Variants in ELAVL2 observed in about 807,000 individuals in gnomAD.
The protein encoded by ELAVL2 is ELAV-like protein 2.
In ELAVL2, 4 loss-of-function variants were observed where a neutral mutation model predicts 34.6. That is an observed-to-expected ratio of 0.12 (90% CI 0.06 to 0.26). The LOEUF is 0.26. Ranked by LOEUF, ELAVL2 falls within the 10% of genes least tolerant of loss-of-function variation. The pLI, the probability that ELAVL2 is intolerant of heterozygous loss-of-function variation, is 1.00. For missense variants in ELAVL2, 432 were observed against 442.8 expected (o/e 0.98, Z 0.22); for synonymous variants, 193 against 154.8 (o/e 1.25, Z -1.83).
chr9:23,704,217 C>T (rs1291761082), intron 4 of ELAVL2, among the ~76,000 whole-genome samples: 2 of 151,334 alleles, frequency 1.3e-5, no homozygotes, highest in East Asian at 2.0e-4. Context: ...TAGGCATGAG[C>T]CACTGTGCCT....
intron 1 of ELAVL2, among the ~76,000 whole-genome samples, chr9:23,815,280 G>A (rs2063547074): frequency 6.6e-6 from 1 of 152,010 alleles, no homozygotes. Context: ...AGTCTCATAT[G>A]TAATCTTTTA....
At chr9:23,743,273 G>T (rs1289100477) in intron 2 of ELAVL2, among the ~76,000 whole-genome samples, 1 of 152,190 alleles carries the variant, frequency 6.6e-6, no homozygotes, top group African/African-American at 2.4e-5. Context: ...CTCCTAAAGA[G>T]AAGTACAAAA....
At chr9:23,822,706 G>A (rs2064988683) in intron 1 of ELAVL2, among the ~76,000 whole-genome samples, 1 of 152,224 alleles carries the variant, frequency 6.6e-6, no homozygotes, top group Admixed American at 6.5e-5. Context: ...CATTGCAAAG[G>A]CATCGATTTT....
At chr9:23,832,029 G>C in the ELAVL2 span, among the ~76,000 whole-genome samples, 1 of 152,144 alleles carries the variant, frequency 6.6e-6, no homozygotes, top group Non-Finnish European at 1.5e-5. Flanking sequence ...AAACCAATCT[G>C]GTATAAAAGG....
At chr9:23,847,884 A>AT in the ELAVL2 span, among the ~76,000 whole-genome samples, 3 of 152,050 alleles carry the variant, frequency 2.0e-5, no homozygotes, top group Non-Finnish European at 4.4e-5. Context: ...TTAAATAATA[A>AT]TTTTTAATGA....
chr9:23,831,438 A>G, the ELAVL2 span: 1 of 152,206 alleles, frequency 6.6e-6, no homozygotes, highest in Non-Finnish European at 1.5e-5. Flanking sequence ...TGTCCCACAG[A>G]GCAAGTGCCG....
intron 1 of ELAVL2, among the ~76,000 whole-genome samples, chr9:23,814,054 A>G (rs75105916): frequency 6.6e-6 from 1 of 152,142 alleles, no homozygotes; most frequent in Non-Finnish European, 1.5e-5. Flanking sequence ...GAAGCAATAC[A>G]TTTGGCTCCA....
chr9:23,758,820 G>T (rs1175634575), intron 2 of ELAVL2, among the ~76,000 whole-genome samples: 2 of 152,016 alleles, frequency 1.3e-5, no homozygotes, highest in East Asian at 1.9e-4. Flanking sequence ...TGATTATCGA[G>T]TATGGATCTT....
intron 2 of ELAVL2, among the ~76,000 whole-genome samples, chr9:23,747,940 C>A (rs1409468017): frequency 1.3e-5 from 2 of 152,096 alleles, no homozygotes; most frequent in East Asian, 1.9e-4. Context: ...AAGGACTGTT[C>A]TACTCAGTAA....
At chr9:23,748,133 G>A (rs2050963304) in intron 2 of ELAVL2, among the ~76,000 whole-genome samples, 1 of 151,348 alleles carries the variant, frequency 6.6e-6, no homozygotes, top group Admixed American at 6.6e-5. Flanking sequence ...GTTTCTGGTT[G>A]GGTGGTTGAC....
At chr9:23,804,825 AT>A (rs1410341783) in intron 1 of ELAVL2, among the ~76,000 whole-genome samples, 1 of 152,200 alleles carries the variant, frequency 6.6e-6, no homozygotes, top group African/African-American at 2.4e-5. Flanking sequence ...AACCACAATC[AT>A]TATACCTAAG....
In ELAVL2 at chr9:23,768,244, A is replaced by G. The variant is rs1019447428; in HGVS notation, c.-15-5995T>C. On this transcript the variant is annotated intron_variant, in intron 1 of 6. Coordinates refer to ENST00000397312, the MANE Select transcript of ELAVL2 (RefSeq NM_004432.5). The stretch of plus-strand genomic sequence containing the variant: ...ATCTGAACTACTCCTTGTCCCTCAA[A>G]CAGTCCAGTACCTTCACTCTTCTAG... 7.2e-5 allele frequency among the ~76,000 whole-genome samples: 11 copies of G among 152,116 alleles called. No homozygotes were observed. In the South Asian group the frequency reaches 2.3e-3, roughly 32 times the overall value.
At chr9:23,706,986 T>C (rs1192865116) in intron 3 of ELAVL2, among the ~76,000 whole-genome samples, 1 of 152,206 alleles carries the variant, frequency 6.6e-6, no homozygotes, top group Non-Finnish European at 1.5e-5. Flanking sequence ...CAAGTGAAAA[T>C]ATACCTGTTG....
chr9:23,791,863 T>G (rs2060362760), intron 1 of ELAVL2, among the ~76,000 whole-genome samples: 1 of 152,206 alleles, frequency 6.6e-6, no homozygotes, highest in South Asian at 2.1e-4. Flanking sequence ...GCTATGGTAT[T>G]CTGTTATGGC....
chr9:23,766,676 G>C (rs951716881), intron 1 of ELAVL2, among the ~76,000 whole-genome samples: 2 of 151,912 alleles, frequency 1.3e-5, no homozygotes, highest in African/African-American at 4.8e-5. Context: ...AAGCACCCCA[G>C]ACAGTCTTCT....
intron 1 of ELAVL2, among the ~76,000 whole-genome samples, chr9:23,825,337 T>G (rs1191237685): frequency 6.6e-6 from 1 of 152,208 alleles, no homozygotes; most frequent in East Asian, 1.9e-4. Context: ...GCACATGCTA[T>G]CTGGTTAATG....
In ELAVL2 at chr9:23,826,217, C is replaced by G. The variant is rs2065285952; in HGVS notation, c.-427G>C. ...AAGCTGCTGCATCTCTAACTAAGAA[C>G]AGAAATAGGGGGGAGGACGTCTTAA... is the stretch of plus-strand genomic sequence containing the variant. On this transcript the variant is annotated 5_prime_UTR_variant, in exon 1 of 7. Transcript: ENST00000397312. 1.3e-5 allele frequency: 2 copies of G among 152,226 alleles called. No homozygotes were observed. Among genetic ancestry groups the G allele is most frequent in the South Asian group, 4.1e-4 (2 of 4,832 alleles). The allele number at this position is 152,226 out of a possible 1,614,324, so 9.4% of individuals were successfully genotyped here.
At chr9:23,804,289 A>C (rs187254750) in intron 1 of ELAVL2, among the ~76,000 whole-genome samples, 1 of 150,744 alleles carries the variant, frequency 6.6e-6, no homozygotes, top group Non-Finnish European at 1.5e-5. Flanking sequence ...TAAAAGACAG[A>C]AATATTTAAT....
At chr9:23,759,757 TATA>T (rs1564324048) in intron 2 of ELAVL2, among the ~76,000 whole-genome samples, 45 of 62,584 alleles carry the variant, frequency 7.2e-4, no homozygotes, top group Admixed American at 3.8e-3. Context: ...TATAGTATTA[TATA>T]TATATATATA....
Sources: gnomAD v4.1 joint callset for allele counts (sites outside exome capture counted in the v4.1 genomes callset) on GRCh38, gnomAD v4.1.1 for gene constraint, MANE v1.5 for transcripts, NCBI Gene and HGNC (gene_info 2026-07-23, HGNC 2026-07-21) for gene names.